GALNTL6: variants seen among roughly 807,000 people sequenced by gnomAD.
The protein encoded by GALNTL6 is polypeptide N-acetylgalactosaminyltransferase like 6.
In GALNTL6, 46 loss-of-function variants were observed where a neutral mutation model predicts 73.7. That is an observed-to-expected ratio of 0.62 (90% CI 0.49 to 0.80). The LOEUF (loss-of-function observed/expected upper bound fraction) is 0.80, where lower values mean the gene tolerates loss of function less well. Ranked by LOEUF, GALNTL6 falls within the 30% of genes least tolerant of loss-of-function variation. The pLI is 0.00. For missense variants in GALNTL6, 604 were observed against 755.0 expected (o/e 0.80, Z 2.34); for synonymous variants, 259 against 263.7 (o/e 0.98, Z 0.17).
At chr4:171,846,517 T>C (rs999272717) in intron 2 of GALNTL6, among the ~76,000 whole-genome samples, 6 of 152,134 alleles carry the variant, frequency 3.9e-5, no homozygotes, top group Non-Finnish European at 7.4e-5. Context: ...TAGCATCTGT[T>C]GGTGGAGTGG....
At chr4:172,421,718 T>C (rs904293657) in intron 5 of GALNTL6, among the ~76,000 whole-genome samples, 12 of 152,106 alleles carry the variant, frequency 7.9e-5, no homozygotes, top group African/African-American at 2.4e-4. Context: ...CCATGAGGGA[T>C]TAGTAATAAA....
intron 2 of GALNTL6, among the ~76,000 whole-genome samples, chr4:172,131,155 G>A (rs961037592): frequency 6.6e-6 from 1 of 151,698 alleles, no homozygotes; most frequent in Non-Finnish European, 1.5e-5. Context: ...ATATATGTAA[G>A]TACTGGGGCA....
intron 3 of GALNTL6, among the ~76,000 whole-genome samples, chr4:172,248,628 C>G (rs1479141874): frequency 6.6e-6 from 1 of 152,156 alleles, no homozygotes; most frequent in Non-Finnish European, 1.5e-5. Context: ...CCACCCAAAG[C>G]TCATCTTGAA....
chr4:171,933,241 C>T (rs947354054), intron 2 of GALNTL6, among the ~76,000 whole-genome samples: 1 of 151,860 alleles, frequency 6.6e-6, no homozygotes, highest in African/African-American at 2.4e-5. Context: ...TAAATCAGTC[C>T]CTCTCTTAAT....
intron 5 of GALNTL6, among the ~76,000 whole-genome samples, chr4:172,519,606 G>T (rs1192483841): frequency 6.6e-6 from 1 of 150,552 alleles, no homozygotes; most frequent in Admixed American, 6.7e-5. Context: ...AAGACACTTT[G>T]TATCTCTGTC....
At chr4:172,273,580 C>G (rs1738730153) in intron 3 of GALNTL6, among the ~76,000 whole-genome samples, 1 of 152,158 alleles carries the variant, frequency 6.6e-6, no homozygotes, top group Non-Finnish European at 1.5e-5. Context: ...GTAGGAAAGT[C>G]AGACAGACTT....
At chr4:172,698,914 A>G (rs1279245118) in intron 5 of GALNTL6, among the ~76,000 whole-genome samples, 1 of 152,130 alleles carries the variant, frequency 6.6e-6, no homozygotes, top group Non-Finnish European at 1.5e-5. Context: ...CTTTTTTGCA[A>G]GTTCTGTGTC....
intron 5 of GALNTL6, among the ~76,000 whole-genome samples, chr4:172,548,684 A>C (rs1019724723): frequency 1.3e-5 from 2 of 152,198 alleles, no homozygotes; most frequent in Non-Finnish European, 2.9e-5. Flanking sequence ...CCCAGCTAAG[A>C]CAACACAGTA....
At chr4:172,174,323 C>T (rs192012030) in intron 2 of GALNTL6, among the ~76,000 whole-genome samples, 13 of 152,212 alleles carry the variant, frequency 8.5e-5, no homozygotes, top group Admixed American at 3.3e-4. Flanking sequence ...CTATGTATAG[C>T]GGTGTCATTT....
chr4:172,477,197 G>C (rs988317994), intron 5 of GALNTL6, among the ~76,000 whole-genome samples: 1 of 150,080 alleles, frequency 6.7e-6, no homozygotes, highest in African/African-American at 2.4e-5. Context: ...AGCAGAGAGA[G>C]AGAGAGAGCA....
chr4:171,956,371 G>A (rs1261788240), intron 2 of GALNTL6, among the ~76,000 whole-genome samples: 1 of 151,966 alleles, frequency 6.6e-6, no homozygotes, highest in East Asian at 1.9e-4. Context: ...TATCTTTGTG[G>A]AATTACCCAA....
intron 3 of GALNTL6, among the ~76,000 whole-genome samples, chr4:172,288,080 G>T (rs1739325068): frequency 6.7e-6 from 1 of 149,318 alleles, no homozygotes; most frequent in Admixed American, 6.7e-5. Flanking sequence ...TAATAATGTG[G>T]CTTGATAGAA....
chr4:172,538,399 G>T (rs991510070), intron 5 of GALNTL6, among the ~76,000 whole-genome samples: 1 of 152,156 alleles, frequency 6.6e-6, no homozygotes, highest in East Asian at 1.9e-4. Context: ...AGCAGAGCTT[G>T]CAAAGAGCCA....
intron 2 of GALNTL6, among the ~76,000 whole-genome samples, chr4:171,866,840 T>C (rs1454347750): frequency 6.6e-6 from 1 of 152,166 alleles, no homozygotes. Flanking sequence ...GCCATTCTTA[T>C]GGCCTAATTA....
intron 5 of GALNTL6, among the ~76,000 whole-genome samples, chr4:172,521,844 G>A (rs757116903): frequency 6.6e-6 from 1 of 152,178 alleles, no homozygotes; most frequent in Non-Finnish European, 1.5e-5. Flanking sequence ...TATGAAAACA[G>A]TCAAATGTAA....
At chr4:171,949,055 A>T (rs148026225) in intron 2 of GALNTL6, among the ~76,000 whole-genome samples, 115 of 152,176 alleles carry the variant, frequency 7.6e-4, no homozygotes, top group Non-Finnish European at 4.4e-4. Flanking sequence ...TCCAAAAAGG[A>T]ATTGAGAACA....
At chr4:171,944,189 A>G (rs1340642628) in intron 2 of GALNTL6, among the ~76,000 whole-genome samples, 1 of 152,052 alleles carries the variant, frequency 6.6e-6, no homozygotes, top group Non-Finnish European at 1.5e-5. Flanking sequence ...ATTTTGATTT[A>G]TAGGAAGATC....
chr4:171,837,395 G>T (rs1229118471), intron 2 of GALNTL6, among the ~76,000 whole-genome samples: 6 of 151,834 alleles, frequency 4.0e-5, no homozygotes, highest in Non-Finnish European at 4.4e-5. Flanking sequence ...GGCGATTGGT[G>T]AAACGTGGTG....
intron 5 of GALNTL6, among the ~76,000 whole-genome samples, chr4:172,537,250 A>C (rs1254651731): frequency 6.6e-6 from 1 of 152,206 alleles, no homozygotes; most frequent in Non-Finnish European, 1.5e-5. Flanking sequence ...GTGGAATGAT[A>C]CAGTTTGGCT....
Sources: gnomAD v4.1 joint callset for allele counts (sites outside exome capture counted in the v4.1 genomes callset) on GRCh38, gnomAD v4.1.1 for gene constraint, MANE v1.5 for transcripts, NCBI Gene and HGNC (gene_info 2026-07-23, HGNC 2026-07-21) for gene names.